The following EML5 variants were observed in gnomAD, a reference collection of about 807,000 sequenced individuals.
The protein encoded by EML5 is EMAP like 5, also known as echinoderm microtubule-associated protein-like 5.
A neutral mutation model predicts 250.0 loss-of-function variants in EML5; 120 were observed. The observed-to-expected ratio is 0.48, with a 90% CI of 0.41 to 0.56. The LOEUF is 0.56. Among genes scored for constraint, EML5 ranks in the 20% least tolerant of loss-of-function variants. The pLI, the probability that EML5 is intolerant of heterozygous loss-of-function variation, is 0.00. For synonymous variants in EML5, 771 were observed against 806.5 expected, an observed-to-expected ratio of 0.96 and a Z score of 0.75; for missense variants, 2,006 against 2,437.6, an observed-to-expected ratio of 0.82 and a Z score of 3.73.
At chr14:88,622,132 C>T (rs1210910921) in intron 37 of EML5, 1 of 194,852 alleles carries the variant, frequency 5.1e-6, no homozygotes, top group Non-Finnish European at 1.1e-5. Flanking sequence ...ATGTATTTAT[C>T]TTTCTGTGCC....
intron 1 of EML5, among the ~76,000 whole-genome samples, chr14:88,762,250 C>T (rs1428580792): frequency 6.6e-6 from 1 of 152,154 alleles, no homozygotes; most frequent in African/African-American, 2.4e-5. Context: ...GTGGCTCACA[C>T]CTGTAATCCC....
intron 14 of EML5, among the ~76,000 whole-genome samples, chr14:88,701,180 T>G (rs1170335475): frequency 1.3e-5 from 2 of 152,156 alleles, no homozygotes; most frequent in African/African-American, 4.8e-5. Context: ...CCAAGGGACA[T>G]CTGGGTACTG....
intron 7 of EML5, among the ~76,000 whole-genome samples, chr14:88,727,762 C>G (rs530472571): frequency 6.6e-6 from 1 of 152,216 alleles, no homozygotes; most frequent in South Asian, 2.1e-4. Context: ...GTTATTTCTA[C>G]CCTGACCAAA....
Position 88,703,257 on chromosome 14 carries a change from A to G in EML5, c.2052-625T>C, listed in dbSNP as rs559962828. Among the ~76,000 whole-genome samples the G allele has an allele frequency of 7.9e-5, 12 of 152,336 alleles. 1 individual carries two copies. In the East Asian group the frequency reaches 1.9e-3, roughly 24 times the overall value. ...GCTTTTTATAAGTAAAAGGTATAGA[A>G]AAGTATATTTGTATTTGTTGTATAA... On this transcript the variant is annotated intron_variant, in intron 13 of 43. Coordinates refer to ENST00000554922, the MANE Select transcript of EML5 (RefSeq NM_183387.3).
Position 88,647,687 on chromosome 14 carries a change from C to CAAAAAAA in EML5, c.4020-739_4020-733dup, listed in dbSNP as rs34191990. ...CCTAGGTAACAGAGTGAGACCGTCT[C>CAAAAAAA]AAAAAAAAAAAAAAAAAAAAAAAGG... On this transcript the variant is annotated intron_variant, in intron 28 of 43. Transcript: ENST00000554922. Among the ~76,000 whole-genome samples the CAAAAAAA allele has an allele frequency of 3.5e-4, 17 of 48,734 alleles. 1 individual carries two copies. Among genetic ancestry groups the CAAAAAAA allele is most frequent in the African/African-American group, 1.3e-3 (17 of 13,550 alleles). The allele number at this position is 48,734 out of a possible 152,430, so 32.0% of individuals were successfully genotyped here.
chr14:88,708,870 A>T (rs924513094), intron 10 of EML5, among the ~76,000 whole-genome samples: 2 of 152,284 alleles, frequency 1.3e-5, no homozygotes, highest in Admixed American at 6.5e-5. Flanking sequence ...TAAACAGTGT[A>T]TCATCAATTA....
intron 1 of EML5, among the ~76,000 whole-genome samples, chr14:88,786,848 C>T (rs116513482): frequency 0.012 from 1,782 of 152,270 alleles, 36 homozygotes; most frequent in African/African-American, 0.041. Flanking sequence ...CTTTTTCCTC[C>T]CAGTCTCAGG....
intron 11 of EML5, 58 bp downstream of exon 11, chr14:88,706,200 TG>T: frequency 6.9e-7 from 1 of 1,443,886 alleles, no homozygotes; most frequent in Non-Finnish European, 9.2e-7. Flanking sequence ...AATTGTTATT[TG>T]GGGGTTACTG....
At position 88,748,022 on chromosome 14, in the gene EML5, C is replaced by T. The variant is rs371827996; in HGVS notation, c.358-1739G>A. On this transcript the variant is annotated intron_variant, in intron 2 of 43. Transcript: ENST00000554922. ...CAAATAAATTAAGTCCTGTAATCAC[C>T]CGAGCTTCCATCTAGGAGGCAATTT... is the stretch of plus-strand genomic sequence containing the variant. 4.6e-5 allele frequency among the ~76,000 whole-genome samples: 7 copies of T among 152,158 alleles called. No homozygotes were observed. The South Asian group carries it at 1.0e-3, about 23-fold the overall frequency.
intron 17 of EML5, among the ~76,000 whole-genome samples, chr14:88,689,435 T>C (rs2092909790): frequency 6.6e-6 from 1 of 152,240 alleles, no homozygotes; most frequent in Non-Finnish European, 1.5e-5. Flanking sequence ...AATTTTATTG[T>C]AGTTTAAATT....
Position 88,683,513 on chromosome 14 carries a change from A to G in EML5, c.2983-1482T>C, listed in dbSNP as rs79701184. On this transcript the variant is annotated intron_variant, in intron 20 of 43. Transcript: ENST00000554922. ...ACAGCCATTATTACCCTGATATCAA[A>G]GCCAGACAAAGATATCACAAGAAAA... Among the ~76,000 whole-genome samples, 150 of 152,350 alleles carry G rather than the reference A, an allele frequency of 9.8e-4. 6 individuals are homozygous for G. In the East Asian group the frequency reaches 0.028, roughly 28 times the overall value.
chr14:88,767,730 A>T (rs1043467769), intron 1 of EML5, among the ~76,000 whole-genome samples: 4 of 152,120 alleles, frequency 2.6e-5, no homozygotes, highest in Non-Finnish European at 5.9e-5. Flanking sequence ...CTAATTTGAG[A>T]CTTATAAAAA....
chr14:88,643,109 T>C, intron 30 of EML5, 87 bp from the exon 31 acceptor site: 1 of 1,258,136 alleles, frequency 7.9e-7, no homozygotes, highest in East Asian at 2.8e-5. Flanking sequence ...ACTAGTAGTG[T>C]CTGCAGTCAA....
chr14:88,784,358 GT>G (rs889699829), intron 1 of EML5, among the ~76,000 whole-genome samples: 1 of 148,856 alleles, frequency 6.7e-6, no homozygotes, highest in East Asian at 2.0e-4. Context: ...ACAAAAAGTT[GT>G]TTTTTTTTAA....
At chr14:88,785,873 G>A (rs2094546210) in intron 1 of EML5, among the ~76,000 whole-genome samples, 1 of 152,058 alleles carries the variant, frequency 6.6e-6, no homozygotes, top group African/African-American at 2.4e-5. Context: ...TTGTTAAACC[G>A]TAAGTCAAAT....
intron 10 of EML5, among the ~76,000 whole-genome samples, chr14:88,706,805 T>C (rs1042758722): frequency 6.6e-6 from 1 of 152,208 alleles, no homozygotes; most frequent in African/African-American, 2.4e-5. Flanking sequence ...AGGATCCTTT[T>C]AAGACTTAAG....
At chr14:88,746,113 T>C in intron 3 of EML5, 72 bp downstream of exon 3, 1 of 1,241,774 alleles carries the variant, frequency 8.1e-7, no homozygotes, top group Non-Finnish European at 1.1e-6. Flanking sequence ...TACAGAAGAA[T>C]AAAATCTCCT....
chr14:88,629,651 T>C (rs983433529), intron 33 of EML5, among the ~76,000 whole-genome samples: 1 of 152,208 alleles, frequency 6.6e-6, no homozygotes, highest in African/African-American at 2.4e-5. Flanking sequence ...ATTAAGTACC[T>C]ATCATGGCAG....
intron 13 of EML5, 67 bp downstream of exon 13, chr14:88,704,793 A>C: frequency 1.2e-4 from 135 of 1,118,560 alleles, no homozygotes; most frequent in Non-Finnish European, 1.7e-4. Context: ...TTCTATCATT[A>C]GAGATGTTAA....
Sources: gnomAD v4.1 joint callset for allele counts (sites outside exome capture counted in the v4.1 genomes callset) on GRCh38, gnomAD v4.1.1 for gene constraint, MANE v1.5 for transcripts, NCBI Gene and HGNC (gene_info 2026-07-23, HGNC 2026-07-21) for gene names.